Variants in CCT3 observed in about 807,000 individuals in gnomAD.
CCT3 encodes T-complex protein 1 subunit gamma.
CCT3 carries 10 observed loss-of-function variants against 65.3 expected under a neutral mutation model. The observed-to-expected ratio is 0.15, with a 90% CI of 0.09 to 0.26. CCT3 has a LOEUF of 0.26. Among genes scored for constraint, CCT3 ranks in the 10% least tolerant of loss-of-function variants. The probability of loss-of-function intolerance (pLI) is 1.00; values close to 1 mark genes in which losing one functional copy is unlikely to be tolerated. For synonymous variants in CCT3, 225 were observed against 242.3 expected (o/e 0.93, Z 0.66); for missense variants, 626 against 708.7 (o/e 0.88, Z 1.33).
In CCT3 at chr1:156,309,231, G is replaced by A. The variant is rs754506904; in HGVS notation, c.1606C>T (p.Gln536Ter). Residue 536 changes from glutamine (Q) to a stop codon, truncating the protein, a stop_gained, in exon 14 of 14, where the codon CAA (glutamine) becomes TAA (stop). Coordinates refer to ENST00000295688, the MANE Select transcript of CCT3 (RefSeq NM_005998.5). LOFTEE classifies it high-confidence loss of function. The stretch of plus-strand genomic sequence containing the variant: ...TGGCCAGCATCAGGAGCCCCGCCTT[G>A]CCGGCTCTGGTCATCGCCTTTCTTT... ...HKKKGDDQSR[Q>*]GGAPDAGQE is the part of the protein sequence containing the mutation. 3.1e-6 allele frequency: 5 copies of A among 1,613,662 alleles called. No individual in the cohort carries two copies. Among genetic ancestry groups the A allele is most frequent in the Non-Finnish European group, 4.2e-6 (5 of 1,179,726 alleles).
Position 156,310,592 on chromosome 1 carries a change from G to T in CCT3, c.1499C>A (p.Ala500Asp). The T allele has an allele frequency of 6.2e-7, 1 of 1,613,800 alleles. No individual in the cohort carries two copies. The highest frequency in any genetic ancestry group is 1.1e-5 in the South Asian group (1 of 91,052). Residue 500 changes from alanine to aspartate, a missense_variant, in exon 13 of 14, where the codon GCT becomes GAT. Physicochemically the swap from Ala to Asp is moderately radical, Grantham distance 126. Transcript: ENST00000295688. ...MKELGIWEPLAVKLQTYKTAV... is the reference protein window; with the variant it reads ...MKELGIWEPLDVKLQTYKTAV... ...TGTCTTATAAGTCTGCAGCTTCACA[G>T]CCAATGGCTCCCATATGCCCAGTTC...
At chr1:156,315,390 T>G (rs544848458) in intron 10 of CCT3, among the ~76,000 whole-genome samples, 24 of 152,140 alleles carry the variant, frequency 1.6e-4, no homozygotes, top group African/African-American at 5.8e-4. Flanking sequence ...TGTATTATTA[T>G]TAGAGATGGG....
intron 5 of CCT3, among the ~76,000 whole-genome samples, chr1:156,330,201 TAA>T (rs1176959926): frequency 5.3e-5 from 8 of 152,036 alleles, no homozygotes; most frequent in Non-Finnish European, 1.2e-4. Context: ...AAATAAAAAA[TAA>T]AAAAGAGTAT....
At chr1:156,331,014 A>G (rs1665077018) in intron 5 of CCT3, among the ~76,000 whole-genome samples, 1 of 150,722 alleles carries the variant, frequency 6.6e-6, no homozygotes, top group African/African-American at 2.4e-5. Flanking sequence ...CAGGTGGATC[A>G]TGAGGTCAGG....
chr1:156,335,290 T>G (rs1246843170), intron 2 of CCT3: 1 of 205,240 alleles, frequency 4.9e-6, no homozygotes, highest in African/African-American at 2.3e-5. Context: ...GGGAATGCTT[T>G]CAGAATGGAT....
intron 1 of CCT3, chr1:156,337,570 A>G (rs886763203): frequency 6.1e-6 from 1 of 163,478 alleles, no homozygotes; most frequent in African/African-American, 2.4e-5. Context: ...TTACTTCGGG[A>G]AAAGGGATTG....
Position 156,333,071 on chromosome 1 carries a change from G to A in CCT3, c.304+476C>T, listed in dbSNP as rs1001573490. The A allele has an allele frequency of 2.8e-5, 5 of 180,388 alleles. 1 individual carries two copies. The highest frequency in any genetic ancestry group is 1.8e-4 in the South Asian group (2 of 11,092). 11.2% of individuals were successfully genotyped at this position (180,388 alleles called of 1,614,324 possible). Reference sequence around the variant, plus strand: ...AGCACTTTGGGAGGCCAAGGAGGGCGGATCACGAGGTTAAGAGATCGAGAC... The same window carrying A: ...AGCACTTTGGGAGGCCAAGGAGGGCAGATCACGAGGTTAAGAGATCGAGAC... On this transcript the variant is annotated intron_variant, in intron 5 of 13. Transcript: ENST00000295688.
At chr1:156,328,338 G>A (rs1276972470) in intron 5 of CCT3, among the ~76,000 whole-genome samples, 4 of 152,088 alleles carry the variant, frequency 2.6e-5, no homozygotes, top group South Asian at 4.2e-4. Context: ...GCCCGGCCAC[G>A]ACCCTGTCTG....
chr1:156,311,751 A>C (rs555302907), intron 11 of CCT3, among the ~76,000 whole-genome samples: 1 of 152,318 alleles, frequency 6.6e-6, no homozygotes, highest in South Asian at 2.1e-4. Context: ...ACAGAGTCTC[A>C]GTTCTGCAAG....
At chr1:156,335,640 C>A in intron 2 of CCT3, 187 bp downstream of exon 2, 1 of 559,688 alleles carries the variant, frequency 1.8e-6, no homozygotes, top group Non-Finnish European at 3.2e-6. Context: ...ATTATCAGTC[C>A]TAACTCAGAA....
intron 5 of CCT3, among the ~76,000 whole-genome samples, chr1:156,328,848 A>G (rs1322484892): frequency 7.0e-6 from 1 of 142,492 alleles, no homozygotes; most frequent in Non-Finnish European, 1.6e-5. Flanking sequence ...CCCAAGAATG[A>G]TCAATAAAAA....
intron 5 of CCT3, among the ~76,000 whole-genome samples, chr1:156,326,680 AAAAG>A (rs1558270597): frequency 6.6e-6 from 1 of 151,954 alleles, no homozygotes; most frequent in African/African-American, 2.4e-5. Flanking sequence ...AAAGAAAAAA[AAAAG>A]AAAATGTACA....
intron 5 of CCT3, among the ~76,000 whole-genome samples, chr1:156,327,297 G>C (rs867365301): frequency 1.1e-4 from 17 of 150,882 alleles, no homozygotes; most frequent in Non-Finnish European, 1.9e-4. Context: ...CCCTCTCCAC[G>C]GTCTCCCTCT....
intron 5 of CCT3, among the ~76,000 whole-genome samples, chr1:156,325,941 A>G (rs771866363): frequency 6.6e-6 from 1 of 152,166 alleles, no homozygotes; most frequent in Non-Finnish European, 1.5e-5. Context: ...AGAAAAATGC[A>G]CAAAAGAAAA....
intron 5 of CCT3, among the ~76,000 whole-genome samples, chr1:156,327,044 T>C (rs1664845169): frequency 6.6e-6 from 1 of 152,154 alleles, no homozygotes; most frequent in South Asian, 2.1e-4. Context: ...AGACTCTGTC[T>C]CAAAATAAAT....
rs574222793 is a variant in CCT3, at chr1:156,338,202, C to T, written c.-18G>A. 111 of 1,584,520 alleles carry T rather than the reference C, an allele frequency of 7.0e-5. No individual in the cohort carries two copies. Among genetic ancestry groups the T allele is most frequent in the Non-Finnish European group, 9.2e-5 (107 of 1,166,904 alleles). ...CCCATCATGGCGACGCGATGCAGAG[C>T]CGGGTACCCAGAGCTGGGGGAACCG... is the stretch of plus-strand genomic sequence containing the variant. On this transcript the variant is annotated 5_prime_UTR_variant, in exon 1 of 14. Transcript: ENST00000295688.
In CCT3 at chr1:156,317,203, G is replaced by C. The variant is rs150397752; in HGVS notation, c.937C>G (p.Arg313Gly). The change falls in exon 10 of 14, where the codon CGC (arginine) becomes GGC (glycine). Residue 313 changes from arginine to glycine, a missense_variant. Coordinates refer to ENST00000295688, the MANE Select transcript of CCT3 (RefSeq NM_005998.5). ...TTATTGTCTGTCTTCCGGACTCTGC[G>C]GATGGCTGTGATATTGGCCCGCATA... ...YLMRANITAI[R>G]RVRKTDNNRI... is the part of the protein sequence containing the mutation. 10 of 1,614,018 alleles carry C rather than the reference G, an allele frequency of 6.2e-6. No homozygotes were observed. Among genetic ancestry groups the C allele is most frequent in the Non-Finnish European group, 8.5e-6 (10 of 1,180,022 alleles).
chr1:156,313,865 G>A (rs868765297), intron 10 of CCT3, among the ~76,000 whole-genome samples: 4 of 152,178 alleles, frequency 2.6e-5, no homozygotes, highest in African/African-American at 4.8e-5. Context: ...CAAGGCGGGC[G>A]GATCACGAGG....
intron 7 of CCT3, among the ~76,000 whole-genome samples, chr1:156,319,489 A>G (rs547034884): frequency 6.6e-6 from 1 of 152,122 alleles, no homozygotes; most frequent in African/African-American, 2.4e-5. Flanking sequence ...TTTTTTTCCC[A>G]TTAGGAAATA....
Sources: gnomAD v4.1 joint callset for allele counts (sites outside exome capture counted in the v4.1 genomes callset) on GRCh38, gnomAD v4.1.1 for gene constraint, MANE v1.5 for transcripts, NCBI Gene and HGNC (gene_info 2026-07-23, HGNC 2026-07-21) for gene names.